IRF6: variants seen among roughly 807,000 people sequenced by gnomAD.
IRF6 encodes the protein interferon regulatory factor 6, also known as Van der Woude syndrome.
A neutral mutation model predicts 51.4 loss-of-function variants in IRF6; 6 were observed. That is an observed-to-expected ratio of 0.12 (90% CI 0.06 to 0.23). The LOEUF (loss-of-function observed/expected upper bound fraction) is 0.23, where lower values mean the gene tolerates loss of function less well. IRF6 is among the 10% of genes least tolerant of loss of function. The pLI is 1.00. For synonymous variants in IRF6, 178 were observed against 215.7 expected, an observed-to-expected ratio of 0.83 and a Z score of 1.53; for missense variants, 348 against 585.2, an observed-to-expected ratio of 0.59 and a Z score of 4.18.
intron 1 of IRF6, among the ~76,000 whole-genome samples, chr1:209,804,961 T>G (rs1010328059): frequency 1.3e-5 from 2 of 152,182 alleles, no homozygotes; most frequent in Non-Finnish European, 2.9e-5. Flanking sequence ...TCCTCAGGCT[T>G]CCCTGTTTAG....
intron 1 of IRF6, among the ~76,000 whole-genome samples, chr1:209,805,200 T>A (rs926258954): frequency 6.6e-6 from 1 of 151,940 alleles, no homozygotes; most frequent in Non-Finnish European, 1.5e-5. Context: ...TGACTTCCAC[T>A]CTTGACATCC....
In IRF6 at chr1:209,790,908, G is replaced by A; in HGVS notation, c.668-21C>T. 1 of 1,612,122 alleles carries A rather than the reference G, an allele frequency of 6.2e-7. No homozygotes were observed. Among genetic ancestry groups the A allele is most frequent in the Non-Finnish European group, 8.5e-7 (1 of 1,180,028 alleles). ...AGTCACTGCAAGGTTAGAGATGACAGTGAGAGTCCTGCTTCACTGCTCTGC... is the reference window on the plus strand; with the variant it reads ...AGTCACTGCAAGGTTAGAGATGACAATGAGAGTCCTGCTTCACTGCTCTGC... On this transcript the variant is annotated intron_variant, in intron 6 of 8. Coordinates refer to ENST00000367021, the MANE Select transcript of IRF6 (RefSeq NM_006147.4). This position sits in a 1 kb window ranked among gnomAD's most constrained non-coding sequence, Gnocchi z 4.8.
intron 1 of IRF6, among the ~76,000 whole-genome samples, chr1:209,804,533 C>T (rs189494861): frequency 6.6e-6 from 1 of 152,302 alleles, no homozygotes; most frequent in African/African-American, 2.4e-5. Flanking sequence ...AATCCCAACG[C>T]CTGAAGAACC....
In IRF6 at chr1:209,789,302, C is replaced by T. The variant is rs550542163; in HGVS notation, c.1179+365G>A. On this transcript the variant is annotated intron_variant, in intron 8 of 8. Coordinates refer to ENST00000367021, the MANE Select transcript of IRF6 (RefSeq NM_006147.4). The stretch of plus-strand genomic sequence containing the variant: ...TGGTGCCACTGCACTGCAGCCTGGG[C>T]GACACAGCAAGACCATGTCTCCAAA... 7.5e-5 allele frequency among the ~76,000 whole-genome samples: 11 copies of T among 146,844 alleles called. No homozygotes were observed. In the East Asian group the frequency reaches 9.9e-4, roughly 13 times the overall value.
intron 5 of IRF6, 156 bp from the exon 6 acceptor site, chr1:209,792,583 C>G: frequency 1.4e-6 from 1 of 725,256 alleles, no homozygotes; most frequent in Non-Finnish European, 2.3e-6. Flanking sequence ...ATAACTAACG[C>G]AATAAGAAAT....
At position 209,785,695 on chromosome 1, in the gene IRF6, G is replaced by A. The variant is rs1361018820; in HGVS notation, c.*2725C>T. 6.6e-6 allele frequency: 1 copy of A among 152,132 alleles called. No homozygotes were observed. The highest frequency in any genetic ancestry group is 2.4e-5 in the African/African-American group (1 of 41,422). The allele number at this position is 152,132 out of a possible 1,614,324, so 9.4% of individuals were successfully genotyped here. ...AGTAAATCCCTAAAAGACTGATTTA[G>A]TTCATTCATTTATTCCAGCAACAAA... is the stretch of plus-strand genomic sequence containing the variant. On this transcript the variant is annotated 3_prime_UTR_variant, in exon 9 of 9. Coordinates refer to ENST00000367021, the MANE Select transcript of IRF6 (RefSeq NM_006147.4).
In IRF6 at chr1:209,786,097, G is replaced by A. The variant is rs1482005348; in HGVS notation, c.*2323C>T. 6.6e-6 allele frequency: 1 copy of A among 152,242 alleles called. No homozygotes were observed. Among genetic ancestry groups the A allele is most frequent in the Admixed American group, 6.5e-5 (1 of 15,288 alleles). 9.4% of individuals were successfully genotyped at this position (152,242 alleles called of 1,614,324 possible). ...CAAGGGAGTAGAAGATATCAAGGGAGTGAGTGGTGGTAGCCACCAAAGGAG... is the reference window on the plus strand; with the variant it reads ...CAAGGGAGTAGAAGATATCAAGGGAATGAGTGGTGGTAGCCACCAAAGGAG... On this transcript the variant is annotated 3_prime_UTR_variant, in exon 9 of 9. Coordinates refer to ENST00000367021, the MANE Select transcript of IRF6 (RefSeq NM_006147.4).
intron 5 of IRF6, among the ~76,000 whole-genome samples, chr1:209,794,265 T>C (rs1433393502): frequency 3.3e-5 from 5 of 152,230 alleles, no homozygotes; most frequent in Non-Finnish European, 7.3e-5. Flanking sequence ...ACAGCCATTC[T>C]GACTGGTGTG....
At position 209,795,362 on chromosome 1, in the gene IRF6, C is replaced by T. The variant is rs1571982618; in HGVS notation, c.436G>A (p.Glu146Lys). The T allele has an allele frequency of 6.2e-7, 1 of 1,614,194 alleles. No individual in the cohort carries two copies. ...TGCGACTGATCCAGCTCATCTTCCT[C>T]ATCTTCTTCATCCACATCATTATCC... ...EKDNDVDEED[E>K]EDELDQSQHH... The change falls in exon 5 of 9, where the codon GAG (glutamate) becomes AAG (lysine). Residue 146 changes from glutamate to lysine, a missense_variant. This residue lies in a region of IRF6 where 124 missense variants were observed against 141.6 expected (regional missense o/e 0.88). Coordinates refer to ENST00000367021, the MANE Select transcript of IRF6 (RefSeq NM_006147.4).
rs1044431935 is a variant in IRF6, at chr1:209,796,165, A to G, written c.379+183T>C. 2.0e-5 allele frequency among the ~76,000 whole-genome samples: 3 copies of G among 152,192 alleles called. No individual in the cohort carries two copies. Among genetic ancestry groups the G allele is most frequent in the African/African-American group, 7.2e-5 (3 of 41,446 alleles). On this transcript the variant is annotated intron_variant, in intron 4 of 8. Transcript: ENST00000367021. The surrounding 1 kb of genome is among the most constrained non-coding windows in gnomAD (Gnocchi z 4.5). ...TAACCAGGTTAAAAAACATTCCCCT[A>G]AGTAAGCAAGATTTTGCTGAGTCTG... is the stretch of plus-strand genomic sequence containing the variant.
intron 5 of IRF6, among the ~76,000 whole-genome samples, chr1:209,794,925 T>A (rs750066099): frequency 2.6e-4 from 39 of 152,232 alleles, no homozygotes; most frequent in Non-Finnish European, 5.6e-4. Context: ...AGGGAAATAT[T>A]AGAAGAGTTT....
At chr1:209,795,845 AAC>A (rs1236267183) in intron 4 of IRF6, among the ~76,000 whole-genome samples, 1 of 152,058 alleles carries the variant, frequency 6.6e-6, no homozygotes, top group African/African-American at 2.4e-5. Flanking sequence ...AAATTTTTTT[AAC>A]AGATCATGTT....
Position 209,788,034 on chromosome 1 carries a change from C to A in IRF6, c.*386G>T. The A allele has an allele frequency of 3.7e-6, 1 of 268,652 alleles. No homozygotes were observed. The highest frequency in any genetic ancestry group is 7.2e-6 in the Non-Finnish European group (1 of 138,364). The allele number at this position is 268,652 out of a possible 1,614,324, so 16.6% of individuals were successfully genotyped here. A position where few individuals can be genotyped will look rare whatever the true frequency, so the allele number is the denominator to read the frequency against. ...GTAGAAGAAGGTCATTGAGTCCGTT[C>A]TAAAGCTGGATGCAATTTCAGGCAC... On this transcript the variant is annotated 3_prime_UTR_variant, in exon 9 of 9. Coordinates refer to ENST00000367021, the MANE Select transcript of IRF6 (RefSeq NM_006147.4).
At chr1:209,798,290 A>ATC (rs2077916776) in intron 3 of IRF6, among the ~76,000 whole-genome samples, 1 of 152,218 alleles carries the variant, frequency 6.6e-6, no homozygotes, top group African/African-American at 2.4e-5. Flanking sequence ...GGTCGCTGGT[A>ATC]TCTGGAAGGC....
At position 209,790,935 on chromosome 1, in the gene IRF6, T is replaced by C; in HGVS notation, c.668-48A>G. ...GAGAGTCCTGCTTCACTGCTCTGCC[T>C]GTTCATCCCTGTGACTCATGCAAGT... is the stretch of plus-strand genomic sequence containing the variant. On this transcript the variant is annotated intron_variant, in intron 6 of 8. Coordinates refer to ENST00000367021, the MANE Select transcript of IRF6 (RefSeq NM_006147.4). The surrounding 1 kb of genome is among the most constrained non-coding windows in gnomAD (Gnocchi z 4.8). The C allele has an allele frequency of 6.2e-7, 1 of 1,610,904 alleles. No homozygotes were observed. The highest frequency in any genetic ancestry group is 8.5e-7 in the Non-Finnish European group (1 of 1,180,028).
In IRF6 at chr1:209,788,197, C is replaced by G. The variant is rs1558038067; in HGVS notation, c.*223G>C. 1.8e-6 allele frequency: 1 copy of G among 567,586 alleles called. No homozygotes were observed. Among genetic ancestry groups the G allele is most frequent in the Non-Finnish European group, 3.1e-6 (1 of 318,786 alleles). 35.2% of individuals were successfully genotyped at this position (567,586 alleles called of 1,614,324 possible). On this transcript the variant is annotated 3_prime_UTR_variant, in exon 9 of 9. Transcript: ENST00000367021. Reference sequence around the variant, plus strand: ...CCAGGCCAAATCTCCTTCTACTATGCTATATCATACTACCATTAGGAGATT... The same window carrying G: ...CCAGGCCAAATCTCCTTCTACTATGGTATATCATACTACCATTAGGAGATT...
chr1:209,791,755 C>T (rs1310877723), intron 6 of IRF6, among the ~76,000 whole-genome samples: 1 of 152,072 alleles, frequency 6.6e-6, no homozygotes, highest in African/African-American at 2.4e-5. Flanking sequence ...TCAGAGCATC[C>T]CTATGGGCAA....
At chr1:209,798,443 T>A (rs936444024) in intron 3 of IRF6, among the ~76,000 whole-genome samples, 1 of 152,182 alleles carries the variant, frequency 6.6e-6, no homozygotes, top group Non-Finnish European at 1.5e-5. Flanking sequence ...CTCTGCACAT[T>A]TCTGTGGTTC....
chr1:209,801,466 C>T lies in IRF6; in HGVS notation c.-3-50G>A, dbSNP rs1265725611. ...GGAAGAGCAGAAGAATTAGGCCAGC[C>T]ACTGGGAACCCTTCCCAGCCACCTT... On this transcript the variant is annotated intron_variant, in intron 2 of 8. Transcript: ENST00000367021. 13 of 1,438,428 alleles carry T rather than the reference C, an allele frequency of 9.0e-6. No homozygotes were observed. In the East Asian group the frequency reaches 3.0e-4, roughly 33 times the overall value. The allele number at this position is 1,438,428 out of a possible 1,614,324, so 89.1% of individuals were successfully genotyped here.
Sources: gnomAD v4.1 joint callset for allele counts (sites outside exome capture counted in the v4.1 genomes callset) on GRCh38, gnomAD v4.1.1 for gene constraint, gnomAD v4.1.1 regional missense constraint, Gnocchi (gnomAD v3.1) non-coding constraint, MANE v1.5 for transcripts, NCBI Gene and HGNC (gene_info 2026-07-23, HGNC 2026-07-21) for gene names.